The following FBXL7 variants were observed in gnomAD, a reference collection of about 807,000 sequenced individuals.
FBXL7 encodes the protein F-box and leucine rich repeat protein 7, also known as F-box/LRR-repeat protein 7.
FBXL7 carries 12 observed loss-of-function variants against 38.3 expected under a neutral mutation model. The observed-to-expected ratio is 0.31, with a 90% confidence interval of 0.20 to 0.51. FBXL7 has a LOEUF of 0.51. Ranked by LOEUF, FBXL7 falls within the 20% of genes least tolerant of loss-of-function variation. The pLI, the probability that FBXL7 is intolerant of heterozygous loss-of-function variation, is 0.98. For synonymous variants in FBXL7, 297 were observed against 300.9 expected, an observed-to-expected ratio of 0.99 and a Z score of 0.13; for missense variants, 567 against 676.4, an observed-to-expected ratio of 0.84 and a Z score of 1.79.
intron 2 of FBXL7, among the ~76,000 whole-genome samples, chr5:15,912,559 A>G (rs150424992): frequency 2.0e-5 from 3 of 152,262 alleles, no homozygotes; most frequent in African/African-American, 4.8e-5. Context: ...CCACCGACCT[A>G]GAAGGATTTT....
At chr5:15,509,519 C>T (rs530519211) in intron 1 of FBXL7, among the ~76,000 whole-genome samples, 1 of 152,270 alleles carries the variant, frequency 6.6e-6, no homozygotes, top group Non-Finnish European at 1.5e-5. Context: ...TTGAGTTACC[C>T]TCTAAGTAAT....
chr5:15,529,049 G>A (rs1407285036), intron 1 of FBXL7, among the ~76,000 whole-genome samples: 2 of 152,054 alleles, frequency 1.3e-5, no homozygotes, highest in Admixed American at 6.5e-5. Flanking sequence ...CTGAAATTTT[G>A]TGTGCTCTGA....
intron 2 of FBXL7, among the ~76,000 whole-genome samples, chr5:15,640,674 C>T (rs1255891478): frequency 6.6e-6 from 1 of 152,006 alleles, no homozygotes; most frequent in African/African-American, 2.4e-5. Flanking sequence ...CAGGTGCGTG[C>T]CACCACACCC....
At chr5:15,816,212 T>G (rs1292705775) in intron 2 of FBXL7, among the ~76,000 whole-genome samples, 1 of 151,984 alleles carries the variant, frequency 6.6e-6, no homozygotes, top group Non-Finnish European at 1.5e-5. Context: ...TGAACCTAAG[T>G]GCCCATCAGC....
intron 2 of FBXL7, among the ~76,000 whole-genome samples, chr5:15,776,497 C>T (rs1736861150): frequency 6.6e-6 from 1 of 152,080 alleles, no homozygotes; most frequent in South Asian, 2.1e-4. Context: ...TTGATAAGGG[C>T]TTTTGCCAGC....
chr5:15,502,163 T>C (rs1319777095), intron 1 of FBXL7, among the ~76,000 whole-genome samples: 2 of 152,144 alleles, frequency 1.3e-5, no homozygotes, highest in Non-Finnish European at 2.9e-5. Context: ...TCTGGGTGTA[T>C]GCTAGTTGAA....
chr5:15,694,492 G>A (rs1004883269), intron 2 of FBXL7, among the ~76,000 whole-genome samples: 1 of 152,118 alleles, frequency 6.6e-6, no homozygotes, highest in Non-Finnish European at 1.5e-5. Context: ...GCATGTAAGT[G>A]TCCTCTGTAC....
intron 2 of FBXL7, among the ~76,000 whole-genome samples, chr5:15,762,225 G>T (rs905055680): frequency 3.9e-5 from 6 of 152,338 alleles, no homozygotes; most frequent in African/African-American, 1.4e-4. Context: ...TCAGTTCCTT[G>T]TCATGGGACC....
chr5:15,515,271 A>G (rs2126363275), intron 1 of FBXL7, among the ~76,000 whole-genome samples: 1 of 152,328 alleles, frequency 6.6e-6, no homozygotes, highest in South Asian at 2.1e-4. Context: ...TTCATCTTAT[A>G]GATGAGGAAA....
chr5:15,752,909 T>G (rs929712827), intron 2 of FBXL7, among the ~76,000 whole-genome samples: 3 of 152,214 alleles, frequency 2.0e-5, no homozygotes, highest in Non-Finnish European at 2.9e-5. Context: ...TTGTTCGTTT[T>G]TATTTCAGTG....
chr5:15,510,657 A>G (rs971219152), intron 1 of FBXL7, among the ~76,000 whole-genome samples: 10 of 152,208 alleles, frequency 6.6e-5, no homozygotes, highest in Admixed American at 3.3e-4. Flanking sequence ...AAAGAACAAA[A>G]TCAATGTTCT....
In FBXL7 at chr5:15,928,149, G is replaced by A; in HGVS notation, c.387G>A (p.Leu129=). ...DHSMVQIFSF[L]PTNQLCRCAR... ...CCATGGTGCAGATCTTCTCCTTCCT[G>A]CCCACCAACCAGCTGTGCCGCTGCG... Residue 129 remains leucine (L), a synonymous_variant, in exon 3 of 4, where the codon CTG becomes CTA. Transcript: ENST00000504595. This position sits in a 1 kb window ranked among gnomAD's most constrained non-coding sequence, Gnocchi z 4.0. 2 of 1,611,120 alleles carry A rather than the reference G, an allele frequency of 1.2e-6. No homozygotes were observed. The highest frequency in any genetic ancestry group is 1.7e-6 in the Non-Finnish European group (2 of 1,179,110).
chr5:15,818,743 TGAGA>T (rs201462691), intron 2 of FBXL7, among the ~76,000 whole-genome samples: 874 of 39,502 alleles, frequency 0.022, 5 homozygotes, highest in African/African-American at 0.039. Flanking sequence ...TGTGTGTGTG[TGAGA>T]GAGAGAGAGA....
chr5:15,802,586 T>C (rs1737598526), intron 2 of FBXL7, among the ~76,000 whole-genome samples: 1 of 151,982 alleles, frequency 6.6e-6, no homozygotes, highest in Admixed American at 6.6e-5. Flanking sequence ...AAATGTCATC[T>C]CCTTAAAGTG....
At chr5:15,606,311 T>G (rs1740015593) in intron 1 of FBXL7, among the ~76,000 whole-genome samples, 1 of 151,946 alleles carries the variant, frequency 6.6e-6, no homozygotes, top group South Asian at 2.1e-4. Flanking sequence ...ACACACACAA[T>G]GTACATGTAT....
At chr5:15,921,835 CAA>C (rs1425802913) in intron 2 of FBXL7, among the ~76,000 whole-genome samples, 3 of 152,048 alleles carry the variant, frequency 2.0e-5, no homozygotes, top group Non-Finnish European at 2.9e-5. Context: ...ATCAAAAAGA[CAA>C]GAGATAATAA....
chr5:15,569,653 A>C (rs1326921078), intron 1 of FBXL7, among the ~76,000 whole-genome samples: 2 of 151,954 alleles, frequency 1.3e-5, no homozygotes, highest in Non-Finnish European at 2.9e-5. Context: ...GAGAGAGGGC[A>C]TCCCTGTCTT....
intron 2 of FBXL7, among the ~76,000 whole-genome samples, chr5:15,629,239 C>T (rs1244583999): frequency 6.6e-6 from 1 of 152,048 alleles, no homozygotes; most frequent in African/African-American, 2.4e-5. Flanking sequence ...TGCACCACCG[C>T]ACTTCAGCCT....
chr5:15,619,905 C>T (rs1368065757), intron 2 of FBXL7, among the ~76,000 whole-genome samples: 1 of 152,172 alleles, frequency 6.6e-6, no homozygotes, highest in Non-Finnish European at 1.5e-5. Flanking sequence ...GCTAACCACA[C>T]AGGTGTTGTC....
Sources: gnomAD v4.1 joint callset for allele counts (sites outside exome capture counted in the v4.1 genomes callset) on GRCh38, gnomAD v4.1.1 for gene constraint, Gnocchi (gnomAD v3.1) non-coding constraint, MANE v1.5 for transcripts, NCBI Gene and HGNC (gene_info 2026-07-23, HGNC 2026-07-21) for gene names.